The following PEBP4 variants were observed in gnomAD, a reference collection of about 807,000 sequenced individuals.
The protein encoded by PEBP4 is phosphatidylethanolamine binding protein 4.
In PEBP4, 22 loss-of-function variants were observed where a neutral mutation model predicts 23.9. The observed-to-expected ratio is 0.92, with a 90% confidence interval of 0.66 to 1.31. The LOEUF (loss-of-function observed/expected upper bound fraction) is 1.31. Among genes scored for constraint, PEBP4 ranks in the 40% most tolerant of loss-of-function variants. The pLI, the probability that PEBP4 is intolerant of heterozygous loss-of-function variation, is 0.00. For synonymous variants in PEBP4, 112 were observed against 99.3 expected (o/e 1.13, Z -0.76); for missense variants, 324 against 281.7 (o/e 1.15, Z -1.07).
At chr8:22,827,009 G>A (rs567330249) in intron 3 of PEBP4, among the ~76,000 whole-genome samples, 7 of 152,308 alleles carry the variant, frequency 4.6e-5, no homozygotes, top group Non-Finnish European at 1.0e-4. Context: ...GGATGGCCTT[G>A]TCCCTTTGCA....
rs1213652251 is a variant in PEBP4 at position 22,927,685 on chromosome 8, T to C, written c.30A>G (p.Ala10=). The change falls in exon 2 of 7, where the codon GCA becomes GCG. Residue 10 remains alanine (A), a synonymous_variant. Coordinates refer to ENST00000256404, the MANE Select transcript of PEBP4 (RefSeq NM_144962.3). MGWTMRLVT[A]ALLLGLMMVV... ...CCATCATGAGACCCAGTAACAGTGC[T>C]GCTGTGACCAGCCTCATTGTCCAAC... is the stretch of plus-strand genomic sequence containing the variant. 1.2e-6 allele frequency: 2 copies of C among 1,613,812 alleles called. No homozygotes were observed. The highest frequency in any genetic ancestry group is 4.5e-5 in the East Asian group (2 of 44,878).
chr8:22,865,749 G>T lies in PEBP4; in HGVS notation c.259-48014C>A, dbSNP rs994500664. Among the ~76,000 whole-genome samples the T allele has an allele frequency of 6.6e-6, 1 of 152,180 alleles. No individual in the cohort carries two copies. The highest frequency in any genetic ancestry group is 6.5e-5 in the Admixed American group (1 of 15,290). On this transcript the variant is annotated intron_variant, in intron 3 of 6. Transcript: ENST00000256404. The surrounding 1 kb of genome is among the most constrained non-coding windows in gnomAD (Gnocchi z 6.9). The stretch of plus-strand genomic sequence containing the variant: ...AATCTCCCCACCGGATCTGGTGGGC[G>T]GAAGATGGGCCACGCGGGAAGGAGA...
intron 4 of PEBP4, among the ~76,000 whole-genome samples, chr8:22,799,990 G>A (rs1396516388): frequency 6.6e-6 from 1 of 152,240 alleles, no homozygotes; most frequent in Non-Finnish European, 1.5e-5. Flanking sequence ...TTAAGAAAAT[G>A]TGGCACATAT....
At chr8:22,816,058 G>T (rs942306588) in intron 4 of PEBP4, among the ~76,000 whole-genome samples, 1 of 152,196 alleles carries the variant, frequency 6.6e-6, no homozygotes, top group Non-Finnish European at 1.5e-5. Flanking sequence ...CCCTGAGACC[G>T]CTGGGGAGGC....
intron 4 of PEBP4, among the ~76,000 whole-genome samples, chr8:22,805,135 T>A (rs73553860): frequency 0.037 from 5,582 of 152,268 alleles, 200 homozygotes; most frequent in African/African-American, 0.092. Context: ...AAGGATGTGA[T>A]TGCATACAGG....
chr8:22,743,169 T>TC (rs1359025745), intron 4 of PEBP4, among the ~76,000 whole-genome samples: 1 of 152,070 alleles, frequency 6.6e-6, no homozygotes, highest in Non-Finnish European at 1.5e-5. Flanking sequence ...CTACCTGACC[T>TC]CCCCTTGGGC....
At position 22,744,941 on chromosome 8, in the gene PEBP4, G is replaced by C. The variant is rs1013780566; in HGVS notation, c.358-17721C>G. On this transcript the variant is annotated intron_variant, in intron 4 of 6. Coordinates refer to ENST00000256404, the MANE Select transcript of PEBP4 (RefSeq NM_144962.3). ...AGAGGTTAATGACTTGCCGGAGATG[G>C]GAGTTCCAATCGGCAGCAGATCAGC... 3.3e-5 allele frequency among the ~76,000 whole-genome samples: 5 copies of C among 152,296 alleles called. 1 individual carries two copies. In the South Asian group the frequency reaches 1.0e-3, roughly 32 times the overall value.
intron 3 of PEBP4, among the ~76,000 whole-genome samples, chr8:22,894,433 A>C (rs1808554177): frequency 6.6e-6 from 1 of 151,992 alleles, no homozygotes; most frequent in African/African-American, 2.4e-5. Flanking sequence ...AAATAAAAAA[A>C]ATTCCAAGCA....
At chr8:22,862,609 A>G (rs1807800196) in intron 3 of PEBP4, among the ~76,000 whole-genome samples, 1 of 152,144 alleles carries the variant, frequency 6.6e-6, no homozygotes, top group African/African-American at 2.4e-5. Flanking sequence ...TAGGTACCTC[A>G]CACCATTCTA....
At chr8:22,720,473 G>C (rs1804496369) in intron 6 of PEBP4, among the ~76,000 whole-genome samples, 1 of 152,248 alleles carries the variant, frequency 6.6e-6, no homozygotes, top group Non-Finnish European at 1.5e-5. Flanking sequence ...ACGTCTGGCA[G>C]TGTGCCGCAC....
intron 3 of PEBP4, among the ~76,000 whole-genome samples, chr8:22,833,306 C>A (rs1807126442): frequency 6.6e-6 from 1 of 152,176 alleles, no homozygotes; most frequent in Non-Finnish European, 1.5e-5. Flanking sequence ...CTACAGGAAA[C>A]TGAGGACCAT....
intron 3 of PEBP4, among the ~76,000 whole-genome samples, chr8:22,899,406 A>T (rs1184833908): frequency 6.6e-6 from 1 of 152,252 alleles, no homozygotes; most frequent in Non-Finnish European, 1.5e-5. Context: ...AAGGGCTTCC[A>T]TGAGGGAGCT....
intron 3 of PEBP4, among the ~76,000 whole-genome samples, chr8:22,891,621 G>A (rs1026417367): frequency 2.6e-5 from 4 of 152,250 alleles, no homozygotes; most frequent in African/African-American, 9.6e-5. Flanking sequence ...TTTATTTATA[G>A]GGAAGTCTCA....
intron 4 of PEBP4, among the ~76,000 whole-genome samples, chr8:22,767,301 C>G (rs540705618): frequency 7.2e-5 from 11 of 152,304 alleles, no homozygotes; most frequent in South Asian, 2.1e-4. Flanking sequence ...GGTGTGGGAC[C>G]AGCAGTTGTG....
At chr8:22,783,488 G>T (rs1192310618) in intron 4 of PEBP4, among the ~76,000 whole-genome samples, 1 of 152,214 alleles carries the variant, frequency 6.6e-6, no homozygotes, top group African/African-American at 2.4e-5. Context: ...TGCGTACCCA[G>T]TGGCTTTCTT....
chr8:22,725,773 A>G (rs1245264860), intron 5 of PEBP4, among the ~76,000 whole-genome samples: 1 of 152,164 alleles, frequency 6.6e-6, no homozygotes, highest in Admixed American at 6.5e-5. Context: ...GGTGGGAAAG[A>G]AGCATTTGCA....
intron 3 of PEBP4, among the ~76,000 whole-genome samples, chr8:22,890,081 C>T (rs150524178): frequency 6.6e-6 from 1 of 152,328 alleles, no homozygotes; most frequent in African/African-American, 2.4e-5. Flanking sequence ...ACTTGCCACT[C>T]TCAACAGGCA....
At chr8:22,826,540 A>G (rs977527834) in intron 3 of PEBP4, among the ~76,000 whole-genome samples, 2 of 152,234 alleles carry the variant, frequency 1.3e-5, no homozygotes, top group African/African-American at 4.8e-5. Context: ...TTAATAAACA[A>G]TGATATGTAC....
At chr8:22,822,254 A>G (rs1347180499) in intron 3 of PEBP4, among the ~76,000 whole-genome samples, 1 of 152,160 alleles carries the variant, frequency 6.6e-6, no homozygotes, top group Non-Finnish European at 1.5e-5. Context: ...ACTAGATGCT[A>G]TAGGAAATTA....
Sources: allele counts gnomAD v4.1 joint callset (sites outside exome capture counted in the v4.1 genomes callset), GRCh38; gene constraint gnomAD v4.1.1; non-coding constraint Gnocchi (gnomAD v3.1); transcripts MANE v1.5; gene names NCBI Gene and HGNC (gene_info 2026-07-23, HGNC 2026-07-21).